BTD: variants seen among roughly 807,000 people sequenced by gnomAD.
The protein encoded by BTD is biotinidase, also known as biocytinase.
BTD carries 13 observed loss-of-function variants against 17.7 expected under a neutral mutation model. That is an observed-to-expected ratio of 0.74 (90% confidence interval 0.48 to 1.17). The LOEUF (loss-of-function observed/expected upper bound fraction) is 1.17. BTD is among the 50% of genes most tolerant of loss of function. The probability of loss-of-function intolerance (pLI) is 0.00; values close to 1 mark genes in which losing one functional copy is unlikely to be tolerated. For synonymous variants in BTD, 240 were observed against 245.2 expected, an observed-to-expected ratio of 0.98 and a Z score of 0.20; for missense variants, 674 against 650.4, an observed-to-expected ratio of 1.04 and a Z score of -0.39.
At chr3:15,702,324 T>C (rs994751405) in intron 3 of BTD, among the ~76,000 whole-genome samples, 1 of 152,170 alleles carries the variant, frequency 6.6e-6, no homozygotes, top group Non-Finnish European at 1.5e-5. Context: ...AATTGCTTGA[T>C]CTTGAAAATG....
chr3:15,712,166 T>C (rs777254686), exon 4 of BTD: 9 of 1,583,324 alleles, frequency 5.7e-6, no homozygotes, highest in Non-Finnish European at 7.7e-6. Context: ...TCTGCAGCAA[T>C]CTGAAAAGCC....
At chr3:15,685,837 CTG>C (rs2068052265) in intron 3 of BTD, among the ~76,000 whole-genome samples, 1 of 152,128 alleles carries the variant, frequency 6.6e-6, no homozygotes, top group Non-Finnish European at 1.5e-5. Flanking sequence ...AAGTTGTACT[CTG>C]TAATTGTTCA....
intron 3 of BTD, chr3:15,678,321 A>G: frequency 6.2e-7 from 1 of 1,611,324 alleles, no homozygotes; most frequent in South Asian, 1.1e-5. Context: ...AACACTCTAC[A>G]TGGTCTGTGA....
intron 3 of BTD, chr3:15,684,753 C>T (rs1214489545): frequency 6.5e-6 from 1 of 153,508 alleles, no homozygotes; most frequent in Non-Finnish European, 1.4e-5. Flanking sequence ...AATCAAAATA[C>T]AAGCACACTA....
At chr3:15,638,253 C>T (rs1222735299) in intron 2 of BTD, among the ~76,000 whole-genome samples, 1 of 152,186 alleles carries the variant, frequency 6.6e-6, no homozygotes, top group African/African-American at 2.4e-5. Flanking sequence ...TGGCAGAAAA[C>T]ATCAGCTAAG....
chr3:15,713,565 C>T (rs775194064), downstream of BTD: 1 of 1,611,568 alleles, frequency 6.2e-7, no homozygotes, highest in East Asian at 2.2e-5. Flanking sequence ...GAGTGTTGAT[C>T]AGCAGCTCAT....
At chr3:15,675,468 G>A (rs1575086606) in intron 3 of BTD, among the ~76,000 whole-genome samples, 1 of 152,122 alleles carries the variant, frequency 6.6e-6, no homozygotes, top group Non-Finnish European at 1.5e-5. Flanking sequence ...CAGGAAGAGA[G>A]CGAAAAATGT....
Position 15,644,992 on chromosome 3 carries a change from A to C in BTD, c.1076A>C (p.His359Pro), listed in dbSNP as rs763540316. 1 of 1,614,216 alleles carries C rather than the reference A, an allele frequency of 6.2e-7. No homozygotes were observed. Among genetic ancestry groups the C allele is most frequent in the Non-Finnish European group, 8.5e-7 (1 of 1,180,042 alleles). ...TGTGAGAAGGATGCTCAGGAAGTCC[A>C]CTGTGATGAGGCCACCAAGTGGAAC... ...PYCEKDAQEV[H>P]CDEATKWNVN... Residue 359 changes from histidine to proline, a missense_variant, in exon 4 of 4, where the codon CAC becomes CCC. Coordinates refer to ENST00000643237, the MANE Select transcript of BTD (RefSeq NM_001370658.1).
At position 15,685,391 on chromosome 3, in the gene BTD, A is replaced by C. The variant is rs372790335; in HGVS notation, c.400-24669A>C. On this transcript the variant is annotated intron_variant, in intron 3 of 3. Transcript: ENST00000672141. ...CGGCCCCTGCTATCCCGAAGTAAGC[A>C]CTTAGCACCATGTTGAAGTAATGCA... The C allele has an allele frequency of 9.3e-6, 15 of 1,613,328 alleles. No homozygotes were observed. In the East Asian group the frequency reaches 1.3e-4, roughly 14 times the overall value.
intron 1 of BTD, among the ~76,000 whole-genome samples, chr3:15,604,175 G>T (rs2064369993): frequency 6.6e-6 from 1 of 152,238 alleles, no homozygotes; most frequent in Non-Finnish European, 1.5e-5. Context: ...CTCTATGAGG[G>T]CTCTACCCCT....
chr3:15,629,520 G>A (rs547899326), intron 1 of BTD, among the ~76,000 whole-genome samples: 42 of 152,168 alleles, frequency 2.8e-4, no homozygotes, highest in Non-Finnish European at 5.3e-4. Context: ...AAGACTCCAC[G>A]GTGGTTGTTT....
intron 2 of BTD, among the ~76,000 whole-genome samples, chr3:15,639,420 ATGGTAAAGC>A (rs887116868): frequency 2.6e-5 from 4 of 152,214 alleles, no homozygotes; most frequent in Admixed American, 2.6e-4. Context: ...AACCAGTAAG[ATGGTAAAGC>A]TGGTTCAAAG....
chr3:15,640,581 G>C (rs1004912904), intron 2 of BTD, among the ~76,000 whole-genome samples: 1 of 152,016 alleles, frequency 6.6e-6, no homozygotes, highest in Non-Finnish European at 1.5e-5. Context: ...AGTAGAGACG[G>C]GGTTTCATCA....
At chr3:15,608,436 G>A (rs934927959) in intron 1 of BTD, among the ~76,000 whole-genome samples, 18 of 152,166 alleles carry the variant, frequency 1.2e-4, no homozygotes, top group African/African-American at 4.1e-4. Context: ...TGTATGTTGT[G>A]CTATGAGGAT....
chr3:15,684,919 T>G, intron 3 of BTD: 2 of 266,568 alleles, frequency 7.5e-6, no homozygotes, highest in South Asian at 4.4e-5. Context: ...ATGCCAGGAG[T>G]TCAAGACCAG....
intron 3 of BTD, chr3:15,677,145 T>C: frequency 9.6e-7 from 1 of 1,040,584 alleles, no homozygotes; most frequent in Admixed American, 1.8e-5. Context: ...AGTCCATATA[T>C]TATGTACAAC....
intron 1 of BTD, chr3:15,602,176 G>A (rs894259818): frequency 7.1e-7 from 1 of 1,406,874 alleles, no homozygotes; most frequent in Non-Finnish European, 9.2e-7. Context: ...AAATCCAGAA[G>A]CAGATGTGTA....
intron 3 of BTD, among the ~76,000 whole-genome samples, chr3:15,696,859 C>G (rs993179325): frequency 5.3e-5 from 8 of 151,944 alleles, no homozygotes; most frequent in African/African-American, 1.9e-4. Flanking sequence ...TATGTAAAAC[C>G]ACTATGGAAA....
In BTD at chr3:15,676,038, C is replaced by A. The variant is rs951868143; in HGVS notation, c.399+33981C>A. 8 of 1,446,806 alleles carry A rather than the reference C, an allele frequency of 5.5e-6. No homozygotes were observed. In the Admixed American group the frequency reaches 5.7e-5, roughly 10 times the overall value. The allele number at this position is 1,446,806 out of a possible 1,614,324, so 89.6% of individuals were successfully genotyped here. A position where few individuals can be genotyped will look rare whatever the true frequency, so the allele number is the denominator to read the frequency against. On this transcript the variant is annotated intron_variant, in intron 3 of 3. Coordinates refer to the BTD transcript ENST00000672141. ...GTACACATATGTGCATGTGCATGCA[C>A]ATACACATACACACCTGGCTGTCAA...
Sources: allele counts gnomAD v4.1 joint callset (sites outside exome capture counted in the v4.1 genomes callset), GRCh38; gene constraint gnomAD v4.1.1; transcripts MANE v1.5; gene names NCBI Gene and HGNC (gene_info 2026-07-23, HGNC 2026-07-21).